PPP2R3A: variants seen among roughly 807,000 people sequenced by gnomAD.
PPP2R3A encodes the protein serine/threonine-protein phosphatase 2A regulatory subunit B'' subunit alpha.
PPP2R3A carries 80 observed loss-of-function variants against 106.9 expected under a neutral mutation model. The observed-to-expected ratio is 0.75, with a 90% CI of 0.62 to 0.90. PPP2R3A has a LOEUF of 0.90. Ranked by LOEUF, PPP2R3A falls within the 40% of genes least tolerant of loss-of-function variation. PPP2R3A has a pLI of 0.00. For missense variants in PPP2R3A, 1,386 were observed against 1,350.4 expected, an observed-to-expected ratio of 1.03 and a Z score of -0.41; for synonymous variants, 483 against 468.3, an observed-to-expected ratio of 1.03 and a Z score of -0.41.
intron 1 of PPP2R3A, among the ~76,000 whole-genome samples, chr3:135,993,363 C>T (rs1441174291): frequency 6.6e-6 from 1 of 152,134 alleles, no homozygotes; most frequent in Non-Finnish European, 1.5e-5. Context: ...CAGTGGGATA[C>T]CACTTCACAC....
intron 4 of PPP2R3A, among the ~76,000 whole-genome samples, chr3:136,046,697 C>T (rs192223413): frequency 3.1e-4 from 47 of 152,308 alleles, no homozygotes; most frequent in African/African-American, 1.1e-3. Context: ...TTCTAAAACC[C>T]AGAGTGTGTT....
intron 1 of PPP2R3A, among the ~76,000 whole-genome samples, chr3:135,978,554 T>C (rs971241715): frequency 6.6e-6 from 1 of 151,356 alleles, no homozygotes; most frequent in Admixed American, 6.6e-5. Context: ...CACTTGAAAA[T>C]GTGAAGAAGA....
intron 1 of PPP2R3A, among the ~76,000 whole-genome samples, chr3:135,997,800 G>A (rs753417767): frequency 2.6e-5 from 4 of 152,156 alleles, no homozygotes; most frequent in Non-Finnish European, 5.9e-5. Flanking sequence ...GCTAATCAGT[G>A]CCCTCCTCTT....
chr3:136,002,763 A>G lies in PPP2R3A; in HGVS notation c.1265A>G (p.Asp422Gly), dbSNP rs759124957. The change falls in exon 2 of 14, where the codon GAT (aspartate) becomes GGT (glycine). Residue 422 changes from aspartate to glycine, a missense_variant. By Grantham distance (94) the Asp-to-Gly change is moderately conservative. Coordinates refer to ENST00000264977, the MANE Select transcript of PPP2R3A (RefSeq NM_002718.5). ...METLYIEEES[D>G]GKKALDKGQK... is the part of the protein sequence containing the mutation. Reference sequence around the variant, plus strand: ...ACTCTTTATATTGAAGAAGAGTCAGATGGAAAGAAAGCATTAGATAAAGGA... The same window carrying G: ...ACTCTTTATATTGAAGAAGAGTCAGGTGGAAAGAAAGCATTAGATAAAGGA... 1.2e-6 allele frequency: 2 copies of G among 1,612,878 alleles called. No homozygotes were observed. Among genetic ancestry groups the G allele is most frequent in the Non-Finnish European group, 1.7e-6 (2 of 1,179,562 alleles).
intron 13 of PPP2R3A, among the ~76,000 whole-genome samples, chr3:136,127,710 G>T (rs565630372): frequency 1.3e-5 from 2 of 152,152 alleles, no homozygotes; most frequent in Admixed American, 6.5e-5. Context: ...ACACATAATT[G>T]TCAGATTCAC....
intron 6 of PPP2R3A, 30 bp downstream of exon 6, chr3:136,070,582 A>G: frequency 6.4e-7 from 1 of 1,565,554 alleles, no homozygotes; most frequent in Non-Finnish European, 8.7e-7. Context: ...TTCTTAATAT[A>G]ACTCCATAAG....
rs560129405 is a variant in PPP2R3A at position 136,101,600 on chromosome 3, A to G, written c.2928-407A>G. Among the ~76,000 whole-genome samples the G allele has an allele frequency of 4.6e-5, 7 of 152,106 alleles. No individual in the cohort carries two copies. In the South Asian group the frequency reaches 6.2e-4, roughly 14 times the overall value. On this transcript the variant is annotated intron_variant, in intron 10 of 13. Transcript: ENST00000264977. ...CCACCATGCGCAGCTAGTTTTTTGT[A>G]TTTTTAGTAGAGATAGGGTTTCACC...
chr3:136,138,695 ATTTTTTTTTTTTT>A (rs747811648), intron 13 of PPP2R3A, among the ~76,000 whole-genome samples: 122 of 50,648 alleles, frequency 2.4e-3, no homozygotes, highest in African/African-American at 8.7e-3. Context: ...GAAATATTGA[ATTTTTTTTTTTTT>A]TTTTTTTTTT....
At chr3:136,075,757 GAT>G (rs1399044907) in intron 6 of PPP2R3A, among the ~76,000 whole-genome samples, 2 of 152,054 alleles carry the variant, frequency 1.3e-5, no homozygotes, top group Admixed American at 1.3e-4. Context: ...CATACTTTAA[GAT>G]AAATTTACAT....
intron 3 of PPP2R3A, 29 bp downstream of exon 3, chr3:136,027,127 C>G: frequency 1.3e-6 from 2 of 1,578,330 alleles, no homozygotes; most frequent in Non-Finnish European, 1.7e-6. Context: ...GATTTACAAT[C>G]TCCCCTTCTT....
chr3:136,003,314 G>A lies in PPP2R3A; in HGVS notation c.1816G>A (p.Val606Ile), dbSNP rs1157205013. ...CATTGAAGACTTTGCTCAAGAACTA[G>A]TTGAATGCAAATCAAGCAGAGGGAG... ...ESIEDFAQELVECKSSRGSLS... is the reference protein window; with the variant it reads ...ESIEDFAQELIECKSSRGSLS... Residue 606 changes from valine (V) to isoleucine (I), a missense_variant, in exon 2 of 14, where the codon GTT (valine) becomes ATT (isoleucine). Physicochemically the swap from Val to Ile is conservative, Grantham distance 29. Coordinates refer to ENST00000264977, the MANE Select transcript of PPP2R3A (RefSeq NM_002718.5). 14 of 1,613,898 alleles carry A rather than the reference G, an allele frequency of 8.7e-6. No individual in the cohort carries two copies. Among genetic ancestry groups the A allele is most frequent in the Non-Finnish European group, 9.3e-6 (11 of 1,179,956 alleles).
At chr3:136,128,846 A>G (rs1938289302) in intron 13 of PPP2R3A, among the ~76,000 whole-genome samples, 1 of 152,204 alleles carries the variant, frequency 6.6e-6, no homozygotes, top group South Asian at 2.1e-4. Context: ...ATCAAACTAG[A>G]ACTCAGGATT....
chr3:136,027,229 G>A (rs1286004436), intron 3 of PPP2R3A, 131 bp downstream of exon 3: 1 of 835,858 alleles, frequency 1.2e-6, no homozygotes, highest in Non-Finnish European at 1.8e-6. Context: ...GCATGGAATT[G>A]TTGTTGTTTT....
intron 1 of PPP2R3A, among the ~76,000 whole-genome samples, chr3:135,983,132 T>C (rs1223292298): frequency 6.6e-6 from 1 of 152,216 alleles, no homozygotes; most frequent in Non-Finnish European, 1.5e-5. Context: ...CAATGGGTTC[T>C]GTCAAGGGAC....
At chr3:136,108,057 A>G (rs1199563278) in intron 13 of PPP2R3A, among the ~76,000 whole-genome samples, 1 of 152,136 alleles carries the variant, frequency 6.6e-6, no homozygotes, top group African/African-American at 2.4e-5. Flanking sequence ...TACAAAAAAT[A>G]CAAAAGTTAG....
intron 13 of PPP2R3A, among the ~76,000 whole-genome samples, chr3:136,128,493 A>G (rs1295026547): frequency 6.6e-6 from 1 of 152,206 alleles, no homozygotes; most frequent in Non-Finnish European, 1.5e-5. Context: ...TATGCACCCA[A>G]TACAGGAGCA....
At chr3:136,103,776 T>C (rs1303517758) in intron 12 of PPP2R3A, among the ~76,000 whole-genome samples, 1 of 152,220 alleles carries the variant, frequency 6.6e-6, no homozygotes, top group Admixed American at 6.6e-5. Flanking sequence ...GTAAGTAGCT[T>C]TCCCCATCAC....
chr3:136,052,058 C>A (rs1359001474), intron 5 of PPP2R3A, among the ~76,000 whole-genome samples: 1 of 152,130 alleles, frequency 6.6e-6, no homozygotes, highest in African/African-American at 2.4e-5. Context: ...TTAATTAAGA[C>A]CATTTTACCT....
intron 2 of PPP2R3A, among the ~76,000 whole-genome samples, chr3:136,011,589 A>G (rs573886070): frequency 6.6e-6 from 1 of 152,210 alleles, no homozygotes. Context: ...CAGGCTTCCC[A>G]ATATGATCAT....
Sources: allele counts gnomAD v4.1 joint callset (sites outside exome capture counted in the v4.1 genomes callset), GRCh38; gene constraint gnomAD v4.1.1; transcripts MANE v1.5; gene names NCBI Gene and HGNC (gene_info 2026-07-23, HGNC 2026-07-21).